Variants in CDH13 observed in about 807,000 individuals in gnomAD.
CDH13 encodes the protein cadherin 13, also known as cadherin-13.
Under a neutral mutation model 63.8 loss-of-function variants are expected in CDH13, and 24 were observed. That is an observed-to-expected ratio of 0.38 (90% confidence interval 0.27 to 0.53). The LOEUF (loss-of-function observed/expected upper bound fraction) is 0.53. CDH13 is among the 20% of genes least tolerant of loss of function. CDH13 has a pLI of 0.85. For missense variants in CDH13, 1,049 were observed against 903.1 expected, an observed-to-expected ratio of 1.16 and a Z score of -2.07; for synonymous variants, 503 against 355.3, an observed-to-expected ratio of 1.42 and a Z score of -4.67.
intron 6 of CDH13, among the ~76,000 whole-genome samples, chr16:83,449,011 T>C (rs1368671816): frequency 2.0e-5 from 3 of 152,176 alleles, no homozygotes. Context: ...TTCCACAGCC[T>C]GGCAATCCTC....
chr16:83,183,770 G>A (rs546360075), intron 4 of CDH13, among the ~76,000 whole-genome samples: 9 of 152,272 alleles, frequency 5.9e-5, no homozygotes, highest in South Asian at 2.1e-4. Flanking sequence ...ACATCAGCAC[G>A]TCAGAGCTGG....
In CDH13 at chr16:83,344,914, C is replaced by G; in HGVS notation, c.689C>G (p.Pro230Arg). Residue 230 changes from proline (P) to arginine (R), a missense_variant, in exon 6 of 14, where the codon CCT (proline) becomes CGT (arginine). Physicochemically the swap from Pro to Arg is moderately radical, Grantham distance 103 (BLOSUM62 -2). Transcript: ENST00000567109. ...GGCAAAACTCTCGAGGGGCCGGTGC[C>G]TCTGGAAGTCATTGTGATTGATCAG... ...VNGKTLEGPV[P>R]LEVIVIDQND... The G allele has an allele frequency of 6.2e-7, 1 of 1,614,006 alleles. No individual in the cohort carries two copies. The highest frequency in any genetic ancestry group is 8.5e-7 in the Non-Finnish European group (1 of 1,179,870).
chr16:83,179,924 C>G (rs1332257646), intron 4 of CDH13, among the ~76,000 whole-genome samples: 2 of 150,494 alleles, frequency 1.3e-5, no homozygotes, highest in Non-Finnish European at 2.9e-5. Context: ...TGCTTATGAA[C>G]AGGAAACGAT....
intron 5 of CDH13, among the ~76,000 whole-genome samples, chr16:83,247,957 G>A (rs946553865): frequency 3.9e-5 from 6 of 152,170 alleles, no homozygotes; most frequent in Non-Finnish European, 7.3e-5. Flanking sequence ...GTTTCTGCAC[G>A]CTCCATTTCT....
chr16:82,789,435 A>C (rs8051842), intron 1 of CDH13, among the ~76,000 whole-genome samples: 1 of 152,162 alleles, frequency 6.6e-6, no homozygotes, highest in Non-Finnish European at 1.5e-5. Context: ...TCTGAATCAC[A>C]TCAAGGCGAT....
intron 1 of CDH13, among the ~76,000 whole-genome samples, chr16:82,812,263 A>C (rs1028914445): frequency 6.6e-6 from 1 of 152,180 alleles, no homozygotes; most frequent in Non-Finnish European, 1.5e-5. Flanking sequence ...CTGCAGGTCC[A>C]GAGGAGGGGC....
At chr16:82,999,315 G>C (rs1912603441) in intron 2 of CDH13, among the ~76,000 whole-genome samples, 2 of 152,018 alleles carry the variant, frequency 1.3e-5, no homozygotes, top group Admixed American at 1.3e-4. Flanking sequence ...ATAACCTTAG[G>C]GAGGTGATTT....
intron 7 of CDH13, among the ~76,000 whole-genome samples, chr16:83,590,537 G>A (rs1192208340): frequency 6.6e-6 from 1 of 152,178 alleles, no homozygotes; most frequent in Non-Finnish European, 1.5e-5. Flanking sequence ...TCCATAACAA[G>A]ATTGAAAGCA....
chr16:83,644,758 C>T (rs1218662463), intron 8 of CDH13, among the ~76,000 whole-genome samples: 1 of 152,094 alleles, frequency 6.6e-6, no homozygotes, highest in African/African-American at 2.4e-5. Context: ...AGTGGGGGTC[C>T]CCAGTGAAGT....
Position 83,769,897 on chromosome 16 carries a change from A to G in CDH13, c.1682-10071A>G, listed in dbSNP as rs147556803. Among the ~76,000 whole-genome samples, 4 of 152,266 alleles carry G rather than the reference A, an allele frequency of 2.6e-5. No homozygotes were observed. The East Asian group carries it at 7.7e-4, about 29-fold the overall frequency. ...GGCTGAAAGGGGAAAGGAGAAGAGA[A>G]GAGAAAAAAGTAATTAAACCACCTC... On this transcript the variant is annotated intron_variant, in intron 11 of 13. Coordinates refer to ENST00000567109, the MANE Select transcript of CDH13 (RefSeq NM_001257.5).
At chr16:83,452,061 C>A (rs1398820574) in intron 6 of CDH13, among the ~76,000 whole-genome samples, 1 of 152,074 alleles carries the variant, frequency 6.6e-6, no homozygotes, top group African/African-American at 2.4e-5. Context: ...CCCGGTCAGC[C>A]CTAATGTCAC....
intron 3 of CDH13, among the ~76,000 whole-genome samples, chr16:83,122,711 CT>C (rs1940288237): frequency 6.6e-6 from 1 of 151,976 alleles, no homozygotes. Context: ...TTTGAAGACT[CT>C]TAACAAAGTA....
At chr16:82,988,190 T>C (rs933510888) in intron 2 of CDH13, among the ~76,000 whole-genome samples, 1 of 152,208 alleles carries the variant, frequency 6.6e-6, no homozygotes, top group Non-Finnish European at 1.5e-5. Flanking sequence ...TGTGCACATA[T>C]GCATGTAGTG....
intron 1 of CDH13, among the ~76,000 whole-genome samples, chr16:82,839,369 G>T (rs1050772096): frequency 6.6e-6 from 1 of 152,116 alleles, no homozygotes; most frequent in Non-Finnish European, 1.5e-5. Context: ...CTGTACTTTT[G>T]CTGGTTCCTG....
intron 3 of CDH13, among the ~76,000 whole-genome samples, chr16:83,043,106 T>C (rs564596633): frequency 1.1e-4 from 17 of 152,330 alleles, no homozygotes; most frequent in African/African-American, 3.4e-4. Context: ...GGCTGTTACA[T>C]CTTGACACAT....
intron 2 of CDH13, among the ~76,000 whole-genome samples, chr16:82,903,708 G>C (rs1366177609): frequency 6.6e-6 from 1 of 152,102 alleles, no homozygotes; most frequent in Admixed American, 6.6e-5. Flanking sequence ...TGTGCATATA[G>C]GAAAAGGGAA....
chr16:83,205,628 C>G (rs1340793267), intron 4 of CDH13, among the ~76,000 whole-genome samples: 2 of 102,964 alleles, frequency 1.9e-5, no homozygotes, highest in Non-Finnish European at 3.8e-5. Context: ...TTTTTTGAGA[C>G]AAAGTCTTGC....
In CDH13 at chr16:82,689,609, A is replaced by G. The variant is rs114752642; in HGVS notation, c.45+62472A>G. 5.2e-3 allele frequency among the ~76,000 whole-genome samples: 797 copies of G among 152,302 alleles called. 7 individuals are homozygous for G. The highest frequency in any genetic ancestry group is 0.017 in the African/African-American group (696 of 41,564). On this transcript the variant is annotated intron_variant, in intron 1 of 13. Transcript: ENST00000567109. ...GATTGTTTTCTGGGATGTTGCTGCAAATGGCAAATGTGTTTGATGCCCTAA... is the reference window on the plus strand; with the variant it reads ...GATTGTTTTCTGGGATGTTGCTGCAGATGGCAAATGTGTTTGATGCCCTAA...
intron 6 of CDH13, among the ~76,000 whole-genome samples, chr16:83,457,191 G>T (rs1240371565): frequency 1.3e-5 from 2 of 152,174 alleles, no homozygotes; most frequent in African/African-American, 4.8e-5. Flanking sequence ...ATCACTGGGG[G>T]TAATAAGAGC....
Sources: allele counts gnomAD v4.1 joint callset (sites outside exome capture counted in the v4.1 genomes callset), GRCh38; gene constraint gnomAD v4.1.1; transcripts MANE v1.5; gene names NCBI Gene and HGNC (gene_info 2026-07-23, HGNC 2026-07-21).